HERC1: variants seen among roughly 807,000 people sequenced by gnomAD.
HERC1 encodes probable E3 ubiquitin-protein ligase HERC1.
Under a neutral mutation model 554.3 loss-of-function variants are expected in HERC1, and 160 were observed. That is an observed-to-expected ratio of 0.29 (90% CI 0.25 to 0.33). The LOEUF (loss-of-function observed/expected upper bound fraction) is 0.33, where lower values mean the gene tolerates loss of function less well. HERC1 is among the 10% of genes least tolerant of loss of function. HERC1 has a pLI of 1.00. For synonymous variants in HERC1, 2,175 were observed against 2,131.7 expected (o/e 1.02, Z -0.56); for missense variants, 4,919 against 5,918.5 (o/e 0.83, Z 5.54).
chr15:63,642,862 C>G (rs1331352154), intron 59 of HERC1, 95 bp downstream of exon 59: 1 of 733,162 alleles, frequency 1.4e-6, no homozygotes, highest in Non-Finnish European at 2.5e-6. Flanking sequence ...CTCTGGACAT[C>G]AGGTTTCTCC....
chr15:63,759,802 T>G (rs571890819), intron 3 of HERC1, among the ~76,000 whole-genome samples: 30 of 152,318 alleles, frequency 2.0e-4, no homozygotes, highest in African/African-American at 6.7e-4. Flanking sequence ...TGCTAGCACA[T>G]GAAATGGGAG....
At position 63,749,410 on chromosome 15, in the gene HERC1, CA is replaced by C; in HGVS notation, c.2175del (p.Gly726GlufsTer26). On this transcript the variant is annotated frameshift_variant, in exon 10 of 78. Transcript: ENST00000443617. LOFTEE classifies it high-confidence loss of function. This position sits in a 1 kb window ranked among gnomAD's most constrained non-coding sequence, Gnocchi z 4.1. ...GTCCATGCCAGACTATGTGATGTTC[CA>C]GCCGAAATCTGCTGAATAGCTATGC... Reference protein sequence around the residue: ...LDGIAIQQISAGTSHSLAWTA... With the variant: ...LDGIAIQQISXGTSHSLAWTA... The C allele has an allele frequency of 6.2e-7, 1 of 1,613,514 alleles. No individual in the cohort carries two copies. Among genetic ancestry groups the C allele is most frequent in the Non-Finnish European group, 8.5e-7 (1 of 1,179,704 alleles).
chr15:63,800,313 G>T (rs1283685062), intron 1 of HERC1, among the ~76,000 whole-genome samples: 1 of 152,150 alleles, frequency 6.6e-6, no homozygotes, highest in Non-Finnish European at 1.5e-5. Context: ...TGACAAGAAG[G>T]CCAAGAACTG....
At chr15:63,822,726 G>A (rs1278766569) in intron 1 of HERC1, among the ~76,000 whole-genome samples, 2 of 152,144 alleles carry the variant, frequency 1.3e-5, no homozygotes, top group Non-Finnish European at 2.9e-5. Flanking sequence ...AGAAAACAAG[G>A]AAACCAGATA....
chr15:63,626,259 T>C, intron 70 of HERC1, 105 bp from the exon 71 acceptor site: 1 of 1,054,764 alleles, frequency 9.5e-7, no homozygotes, highest in Non-Finnish European at 1.4e-6. Context: ...AATTACACAA[T>C]GGACACCCAT....
At chr15:63,826,292 A>AG (rs2077899254) in intron 1 of HERC1, among the ~76,000 whole-genome samples, 1 of 152,178 alleles carries the variant, frequency 6.6e-6, no homozygotes, top group Non-Finnish European at 1.5e-5. Flanking sequence ...GCCCTAACCC[A>AG]GAACTTTAAA....
rs372784541 is a variant in HERC1 at position 63,758,256 on chromosome 15, A to G, written c.1140T>C (p.Asn380=). 8 of 1,613,806 alleles carry G rather than the reference A, an allele frequency of 5.0e-6. No individual in the cohort carries two copies. The highest frequency in any genetic ancestry group is 2.2e-5 in the East Asian group (1 of 44,886). The part of the protein sequence containing the change: ...ETCEVYVWGS[N]SSHQLVEGTQ... ...TACCTTCTACCAACTGATGGCTGCT[A>G]TTGCTCCCCCAAACATAAACCTCAC... The change falls in exon 4 of 78, where the codon AAT becomes AAC. Residue 380 remains asparagine, a synonymous_variant. Coordinates refer to ENST00000443617, the MANE Select transcript of HERC1 (RefSeq NM_003922.4). The surrounding 1 kb of genome is among the most constrained non-coding windows in gnomAD (Gnocchi z 4.0).
At position 63,749,594 on chromosome 15, in the gene HERC1, T is replaced by C; in HGVS notation, c.2047+53A>G. The C allele has an allele frequency of 6.3e-7, 1 of 1,576,960 alleles. No individual in the cohort carries two copies. The highest frequency in any genetic ancestry group is 8.6e-7 in the Non-Finnish European group (1 of 1,162,146). ...AGAAAAGCCAAATTCAAATGTAATA[T>C]ATTTACACAAGACAACAGTTAATAC... On this transcript the variant is annotated intron_variant, in intron 9 of 77. Transcript: ENST00000443617. This position sits in a 1 kb window ranked among gnomAD's most constrained non-coding sequence, Gnocchi z 4.1.
At chr15:63,768,465 T>TA (rs2075850851) in intron 2 of HERC1, among the ~76,000 whole-genome samples, 1 of 152,248 alleles carries the variant, frequency 6.6e-6, no homozygotes. Flanking sequence ...TCCCTAGACA[T>TA]ACAATGTGTT....
intron 1 of HERC1, among the ~76,000 whole-genome samples, chr15:63,786,251 C>T (rs1378757783): frequency 8.2e-6 from 1 of 122,268 alleles, no homozygotes; most frequent in Non-Finnish European, 1.7e-5. Flanking sequence ...CCAGGCTAGA[C>T]AACACAGCAA....
Position 63,634,717 on chromosome 15 carries a change from T to G in HERC1, c.12570+16A>C. The G allele has an allele frequency of 2.5e-6, 4 of 1,604,780 alleles. No homozygotes were observed. Among genetic ancestry groups the G allele is most frequent in the Non-Finnish European group, 3.4e-6 (4 of 1,174,052 alleles). On this transcript the variant is annotated intron_variant, in intron 66 of 77. Coordinates refer to ENST00000443617, the MANE Select transcript of HERC1 (RefSeq NM_003922.4). ...AACAATGATCAGCTAGAATATCTTA[T>G]TGATTTATTCCATGCCTGTCCAATC...
intron 1 of HERC1, among the ~76,000 whole-genome samples, chr15:63,786,906 C>G (rs2076466173): frequency 6.7e-6 from 1 of 150,348 alleles, no homozygotes; most frequent in Non-Finnish European, 1.5e-5. Context: ...TGAACTTCAA[C>G]TCAATAAATT....
At position 63,704,734 on chromosome 15, in the gene HERC1, ATTT is replaced by A. The variant is rs567922548; in HGVS notation, c.4636+2043_4636+2045del. Among the ~76,000 whole-genome samples the A allele has an allele frequency of 1.2e-4, 11 of 88,428 alleles. No individual in the cohort carries two copies. The South Asian group carries it at 1.3e-3, about 10-fold the overall frequency. The allele number at this position is 88,428 out of a possible 152,430, so 58.0% of individuals were successfully genotyped here. ...TTTTTGATAATACAAATACTCTGTA[ATTT>A]TTTTTTTTTTTTTTTTTTTGAGATG... On this transcript the variant is annotated intron_variant, in intron 25 of 77. Coordinates refer to ENST00000443617, the MANE Select transcript of HERC1 (RefSeq NM_003922.4).
At chr15:63,797,452 C>A (rs777900617) in intron 1 of HERC1, among the ~76,000 whole-genome samples, 5 of 152,196 alleles carry the variant, frequency 3.3e-5, no homozygotes, top group Non-Finnish European at 7.3e-5. Context: ...CACCTGGACT[C>A]CTGCCTCAAG....
chr15:63,730,685 G>T (rs1372395082), intron 14 of HERC1, among the ~76,000 whole-genome samples: 1 of 152,170 alleles, frequency 6.6e-6, no homozygotes, highest in Admixed American at 6.5e-5. Flanking sequence ...AAATGTCCTG[G>T]TTTTTTAAAA....
Position 63,666,053 on chromosome 15 carries a change from G to A in HERC1, c.8421C>T (p.Gly2807=), listed in dbSNP as rs1159807143. The A allele has an allele frequency of 6.2e-7, 1 of 1,614,010 alleles. No homozygotes were observed. The highest frequency in any genetic ancestry group is 8.5e-7 in the Non-Finnish European group (1 of 1,179,874). The change falls in exon 42 of 78, where the codon GGC becomes GGT. Residue 2807 remains glycine (G), a synonymous_variant. Transcript: ENST00000443617. ...GHEDEEEPQS[G]STADSRPGAA... Reference sequence around the variant, plus strand: ...CTCCAGGCCTAGAGTCTGCTGTGCTGCCCGACTGGGGCTCCTCTTCATCCT... The same window carrying A: ...CTCCAGGCCTAGAGTCTGCTGTGCTACCCGACTGGGGCTCCTCTTCATCCT...
At chr15:63,630,979 T>C (rs1255365968) in intron 68 of HERC1, among the ~76,000 whole-genome samples, 1 of 152,168 alleles carries the variant, frequency 6.6e-6, no homozygotes, top group Non-Finnish European at 1.5e-5. Flanking sequence ...TCAAGTTTCT[T>C]ATGTTCTTTT....
intron 2 of HERC1, among the ~76,000 whole-genome samples, chr15:63,774,205 G>A (rs972944914): frequency 6.6e-6 from 1 of 152,084 alleles, no homozygotes; most frequent in East Asian, 1.9e-4. Context: ...TTCACTACCT[G>A]AAATTATATA....
At chr15:63,825,602 T>C (rs2077869512) in intron 1 of HERC1, among the ~76,000 whole-genome samples, 1 of 152,118 alleles carries the variant, frequency 6.6e-6, no homozygotes, top group Non-Finnish European at 1.5e-5. Flanking sequence ...GCTTATTTTG[T>C]AATCAGTAAA....
Sources: allele counts gnomAD v4.1 joint callset (sites outside exome capture counted in the v4.1 genomes callset), GRCh38; gene constraint gnomAD v4.1.1; non-coding constraint Gnocchi (gnomAD v3.1); transcripts MANE v1.5; gene names NCBI Gene and HGNC (gene_info 2026-07-23, HGNC 2026-07-21).